Variants in ROBO2 observed in about 807,000 individuals in gnomAD.
ROBO2 encodes roundabout guidance receptor 2, also known as roundabout homolog 2.
In ROBO2, 53 loss-of-function variants were observed where a neutral mutation model predicts 160.8. The observed-to-expected ratio is 0.33, with a 90% CI of 0.26 to 0.41. ROBO2 has a LOEUF of 0.41. Among genes scored for constraint, ROBO2 ranks in the 10% least tolerant of loss-of-function variants. The pLI, the probability that ROBO2 is intolerant of heterozygous loss-of-function variation, is 1.00. For synonymous variants in ROBO2, 664 were observed against 611.7 expected (o/e 1.09, Z -1.26); for missense variants, 1,577 against 1,722.4 (o/e 0.92, Z 1.49).
chr3:76,602,893 T>C (rs2087270379), intron 2 of ROBO2, among the ~76,000 whole-genome samples: 1 of 152,262 alleles, frequency 6.6e-6, no homozygotes, highest in South Asian at 2.1e-4. Context: ...TTTTCCAAAA[T>C]GAGAGCATTT....
chr3:76,008,194 C>G (rs752233680), intron 2 of ROBO2, among the ~76,000 whole-genome samples: 7 of 128,086 alleles, frequency 5.5e-5, no homozygotes, highest in Non-Finnish European at 7.8e-5. Context: ...GAGATCGCAC[C>G]ACTGCACTCC....
At chr3:75,995,021 A>G (rs1472188704) in intron 2 of ROBO2, among the ~76,000 whole-genome samples, 2 of 152,328 alleles carry the variant, frequency 1.3e-5, no homozygotes, top group Admixed American at 6.5e-5. Context: ...CTGGCAGAAG[A>G]AATTTCTAAG....
chr3:76,010,403 A>G (rs2066160434), intron 2 of ROBO2, among the ~76,000 whole-genome samples: 3 of 152,164 alleles, frequency 2.0e-5, no homozygotes, highest in Admixed American at 2.0e-4. Context: ...AGGCTTATCC[A>G]CTCAGCTGGA....
At chr3:76,723,226 C>T (rs267127) in intron 2 of ROBO2, among the ~76,000 whole-genome samples, 85,415 of 151,804 alleles carry the variant, frequency 0.56, 24,980 homozygotes, top group Non-Finnish European at 0.65. Flanking sequence ...ACATCATTTT[C>T]GAAATAAAAT....
chr3:77,061,949 T>G (rs971177834), intron 1 of ROBO2, among the ~76,000 whole-genome samples: 2 of 152,192 alleles, frequency 1.3e-5, no homozygotes, highest in African/African-American at 4.8e-5. Flanking sequence ...GATCTGGTTC[T>G]TTCTTTTTTT....
chr3:76,010,363 C>T (rs181493844), intron 2 of ROBO2, among the ~76,000 whole-genome samples: 1 of 152,340 alleles, frequency 6.6e-6, no homozygotes, highest in Admixed American at 6.5e-5. Flanking sequence ...ACAGGCTCAA[C>T]ATGAACAATC....
chr3:76,493,439 G>A (rs1373599102), intron 2 of ROBO2, among the ~76,000 whole-genome samples: 1 of 130,896 alleles, frequency 7.6e-6, no homozygotes, highest in Non-Finnish European at 1.6e-5. Context: ...CTTTCTTGAT[G>A]AGTCTCATAT....
At chr3:76,519,988 C>A (rs1445277796) in intron 2 of ROBO2, among the ~76,000 whole-genome samples, 2 of 152,194 alleles carry the variant, frequency 1.3e-5, no homozygotes, top group Non-Finnish European at 2.9e-5. Flanking sequence ...GACTCATTCA[C>A]ATAGGGACCC....
chr3:76,230,643 C>A (rs1257890302), intron 2 of ROBO2, among the ~76,000 whole-genome samples: 1 of 152,030 alleles, frequency 6.6e-6, no homozygotes, highest in East Asian at 1.9e-4. Context: ...GAATTACTTA[C>A]TACTATTTGT....
intron 2 of ROBO2, among the ~76,000 whole-genome samples, chr3:77,459,897 C>T (rs982145125): frequency 7.8e-6 from 1 of 128,134 alleles, no homozygotes; most frequent in African/African-American, 3.0e-5. Context: ...CCTTGTAGGC[C>T]AGGATAAGGA....
chr3:76,157,521 T>G (rs2072455411), intron 2 of ROBO2, among the ~76,000 whole-genome samples: 1 of 152,208 alleles, frequency 6.6e-6, no homozygotes, highest in African/African-American at 2.4e-5. Flanking sequence ...TCTGTGCTAA[T>G]TATAGACAGA....
intron 2 of ROBO2, among the ~76,000 whole-genome samples, chr3:77,402,791 C>T (rs140495691): frequency 4.8e-4 from 73 of 152,080 alleles, no homozygotes; most frequent in Middle Eastern, 6.8e-3. Flanking sequence ...CTCAGAAGTA[C>T]GCCGGCACAC....
intron 2 of ROBO2, among the ~76,000 whole-genome samples, chr3:76,217,847 G>A (rs1177139634): frequency 2.6e-5 from 4 of 152,134 alleles, no homozygotes; most frequent in Admixed American, 2.6e-4. Flanking sequence ...AAGCCTGACA[G>A]AGACACAACA....
At chr3:76,461,356 G>A (rs930158798) in intron 2 of ROBO2, among the ~76,000 whole-genome samples, 5 of 152,128 alleles carry the variant, frequency 3.3e-5, no homozygotes, top group African/African-American at 1.2e-4. Flanking sequence ...CAGCACTGGG[G>A]TTACAATTCA....
chr3:77,353,711 A>G (rs1351634362), intron 2 of ROBO2, among the ~76,000 whole-genome samples: 1 of 152,060 alleles, frequency 6.6e-6, no homozygotes, highest in African/African-American at 2.4e-5. Context: ...GGGTTTCACC[A>G]TGTTGGCCAG....
At position 76,764,105 on chromosome 3, in the gene ROBO2, C is replaced by A. The variant is rs2061451673; in HGVS notation, c.110-333909C>A. ...CTCACACACAGTAAAATCAGAAGAC[C>A]ATTTGATGCAAGCTTTGTGTGTTTT... On this transcript the variant is annotated intron_variant, in intron 2 of 26. Transcript: ENST00000487694. 3.3e-5 allele frequency among the ~76,000 whole-genome samples: 5 copies of A among 151,624 alleles called. No individual in the cohort carries two copies. The South Asian group carries it at 1.0e-3, about 31-fold the overall frequency.
chr3:77,548,083 CAT>C (rs370112015), intron 7 of ROBO2, among the ~76,000 whole-genome samples: 2 of 150,750 alleles, frequency 1.3e-5, no homozygotes, highest in Admixed American at 6.7e-5. Context: ...CGCACATACA[CAT>C]AGACATACAT....
chr3:76,700,814 G>T (rs1462866179), intron 2 of ROBO2, among the ~76,000 whole-genome samples: 12 of 152,104 alleles, frequency 7.9e-5, no homozygotes, highest in South Asian at 2.1e-4. Flanking sequence ...GTCCAGTCTT[G>T]TCTCTACCCA....
intron 2 of ROBO2, among the ~76,000 whole-genome samples, chr3:76,682,761 C>T (rs1325081465): frequency 6.6e-6 from 1 of 152,070 alleles, no homozygotes; most frequent in Non-Finnish European, 1.5e-5. Context: ...AGTATCTTGC[C>T]AAAGGTGCTA....
Sources: allele counts gnomAD v4.1 joint callset (sites outside exome capture counted in the v4.1 genomes callset), GRCh38; gene constraint gnomAD v4.1.1; transcripts MANE v1.5; gene names NCBI Gene and HGNC (gene_info 2026-07-23, HGNC 2026-07-21).